CACNA2D3: variants seen among roughly 807,000 people sequenced by gnomAD.
CACNA2D3 encodes voltage-dependent calcium channel subunit alpha-2/delta-3.
CACNA2D3 carries 60 observed loss-of-function variants against 160.6 expected under a neutral mutation model. The observed-to-expected ratio is 0.37, with a 90% CI of 0.30 to 0.46. The LOEUF is 0.46. Among genes scored for constraint, CACNA2D3 ranks in the 20% least tolerant of loss-of-function variants. The pLI is 1.00. For missense variants in CACNA2D3, 1,205 were observed against 1,365.0 expected, an observed-to-expected ratio of 0.88 and a Z score of 1.85; for synonymous variants, 558 against 492.9, an observed-to-expected ratio of 1.13 and a Z score of -1.75.
At chr3:54,975,153 G>C (rs1487429805) in intron 29 of CACNA2D3, among the ~76,000 whole-genome samples, 1 of 152,114 alleles carries the variant, frequency 6.6e-6, no homozygotes, top group Non-Finnish European at 1.5e-5. Flanking sequence ...AGGGAGGTCT[G>C]TTTAGAAAGT....
intron 16 of CACNA2D3, among the ~76,000 whole-genome samples, chr3:54,846,186 T>G (rs1698928265): frequency 6.6e-6 from 1 of 152,248 alleles, no homozygotes; most frequent in African/African-American, 2.4e-5. Context: ...AATTGTGCTA[T>G]TTGTTGAGCT....
At chr3:54,670,848 C>T (rs1435134614) in intron 11 of CACNA2D3, among the ~76,000 whole-genome samples, 1 of 152,160 alleles carries the variant, frequency 6.6e-6, no homozygotes, top group Non-Finnish European at 1.5e-5. Flanking sequence ...TCCTGGCTCA[C>T]TGGGAATGGC....
At chr3:54,727,834 C>G (rs1194573564) in intron 11 of CACNA2D3, among the ~76,000 whole-genome samples, 2 of 152,128 alleles carry the variant, frequency 1.3e-5, no homozygotes, top group East Asian at 1.9e-4. Context: ...GTGTAGCAAA[C>G]TACCATGACA....
At position 54,798,535 on chromosome 3, in the gene CACNA2D3, C is replaced by CA. The variant is rs200656735; in HGVS notation, c.1381-18310dup. Among the ~76,000 whole-genome samples, 882 of 151,884 alleles carry CA rather than the reference C, an allele frequency of 5.8e-3. 11 individuals are homozygous for CA. Among genetic ancestry groups the CA allele is most frequent in the African/African-American group, 0.02 (845 of 41,434 alleles). ...TGGGTGACAGAGCGAGACTCCATCTCAAAAAAAAGAATGGACCAGAGTTTA... is the reference window on the plus strand; with the variant it reads ...TGGGTGACAGAGCGAGACTCCATCTCAAAAAAAAAGAATGGACCAGAGTTTA... On this transcript the variant is annotated intron_variant, in intron 13 of 37. Coordinates refer to ENST00000474759, the MANE Select transcript of CACNA2D3 (RefSeq NM_018398.3).
intron 16 of CACNA2D3, among the ~76,000 whole-genome samples, chr3:54,841,353 A>G (rs565395899): frequency 2.0e-5 from 3 of 152,330 alleles, no homozygotes; most frequent in African/African-American, 7.2e-5. Context: ...AACTATAGAA[A>G]ATTAACCAGC....
At chr3:54,132,136 G>A (rs1377750624) in intron 2 of CACNA2D3, among the ~76,000 whole-genome samples, 1 of 152,190 alleles carries the variant, frequency 6.6e-6, no homozygotes, top group Non-Finnish European at 1.5e-5. Context: ...TGTACAAACA[G>A]CTCAATGGGC....
intron 17 of CACNA2D3, among the ~76,000 whole-genome samples, chr3:54,867,286 G>A (rs1699423783): frequency 6.6e-6 from 1 of 152,216 alleles, no homozygotes; most frequent in African/African-American, 2.4e-5. Flanking sequence ...GGGGTGAGGG[G>A]CGAGGGGGAG....
At chr3:54,322,352 A>G (rs1224620770) in intron 3 of CACNA2D3, among the ~76,000 whole-genome samples, 1 of 152,260 alleles carries the variant, frequency 6.6e-6, no homozygotes, top group Non-Finnish European at 1.5e-5. Context: ...ACGAGAAGTC[A>G]ATGATTTAAT....
chr3:54,881,987 T>C lies in CACNA2D3; in HGVS notation c.1912+1124T>C, dbSNP rs191786332. On this transcript the variant is annotated intron_variant, in intron 21 of 37. Transcript: ENST00000474759. ...CTTCCCAAGTGCTTGTGAGATCGTA[T>C]AGGGGCAGAAAGGAGAGTAGAGAGG... Among the ~76,000 whole-genome samples, 25 of 152,238 alleles carry C rather than the reference T, an allele frequency of 1.6e-4. No individual in the cohort carries two copies. The East Asian group carries it at 4.5e-3, about 27-fold the overall frequency.
chr3:54,424,895 TTCTGCATCCCTGTGTC>T (rs1295464930), intron 4 of CACNA2D3, among the ~76,000 whole-genome samples: 2 of 152,168 alleles, frequency 1.3e-5, no homozygotes, highest in Non-Finnish European at 2.9e-5. Flanking sequence ...ATTACCACGT[TTCTGCATCCCTGTGTC>T]TCTGCATCCC....
intron 27 of CACNA2D3, among the ~76,000 whole-genome samples, chr3:54,947,918 C>A (rs985098022): frequency 1.4e-4 from 21 of 152,182 alleles, no homozygotes; most frequent in African/African-American, 5.1e-4. Flanking sequence ...GCCTCCAGAG[C>A]AACATGGCCT....
At chr3:54,171,481 C>A (rs1207546901) in intron 2 of CACNA2D3, among the ~76,000 whole-genome samples, 1 of 151,954 alleles carries the variant, frequency 6.6e-6, no homozygotes, top group Non-Finnish European at 1.5e-5. Context: ...TTTATAAACA[C>A]CCAGATTCCA....
At chr3:54,888,967 A>G (rs1354607169) in intron 24 of CACNA2D3, among the ~76,000 whole-genome samples, 1 of 152,240 alleles carries the variant, frequency 6.6e-6, no homozygotes, top group East Asian at 1.9e-4. Context: ...ACTGCTTTGA[A>G]GGAAAAGTAA....
intron 17 of CACNA2D3, among the ~76,000 whole-genome samples, chr3:54,866,106 C>T (rs892975273): frequency 2.0e-5 from 3 of 152,212 alleles, no homozygotes; most frequent in East Asian, 1.9e-4. Flanking sequence ...GGAGCTCATT[C>T]TCCCTGGGTG....
At chr3:54,303,668 A>T (rs138965945) in intron 2 of CACNA2D3, among the ~76,000 whole-genome samples, 1 of 152,210 alleles carries the variant, frequency 6.6e-6, no homozygotes, top group East Asian at 1.9e-4. Flanking sequence ...CTGTCTCAGG[A>T]GCCGTTGTGA....
intron 13 of CACNA2D3, among the ~76,000 whole-genome samples, chr3:54,795,723 T>G (rs1229688002): frequency 6.6e-6 from 1 of 152,178 alleles, no homozygotes; most frequent in Non-Finnish European, 1.5e-5. Flanking sequence ...CAAATCTGCC[T>G]CTTTGAGGTT....
chr3:54,466,844 A>G (rs1700637074), intron 4 of CACNA2D3, among the ~76,000 whole-genome samples: 1 of 152,174 alleles, frequency 6.6e-6, no homozygotes, highest in South Asian at 2.1e-4. Context: ...TTTTGTAGGC[A>G]ATCCAGTGTT....
intron 2 of CACNA2D3, among the ~76,000 whole-genome samples, chr3:54,187,508 T>G (rs530588377): frequency 6.6e-6 from 1 of 152,198 alleles, no homozygotes; most frequent in African/African-American, 2.4e-5. Flanking sequence ...TAATGGGATC[T>G]ATGAAGCACT....
At chr3:54,918,782 G>T in intron 27 of CACNA2D3, 2 of 1,614,134 alleles carry the variant, frequency 1.2e-6, no homozygotes, top group Non-Finnish European at 1.7e-6. Context: ...GAGGACACTG[G>T]ATCAGGAGCA....
Sources: gnomAD v4.1 joint callset for allele counts (sites outside exome capture counted in the v4.1 genomes callset) on GRCh38, gnomAD v4.1.1 for gene constraint, MANE v1.5 for transcripts, NCBI Gene and HGNC (gene_info 2026-07-23, HGNC 2026-07-21) for gene names.